Variants in CRAMP1 observed in about 807,000 individuals in gnomAD.
CRAMP1 encodes protein cramped-like.
CRAMP1 carries 50 observed loss-of-function variants against 115.4 expected under a neutral mutation model. The ratio of observed to expected loss-of-function variants is 0.43; its 90% CI spans 0.35 to 0.55. The LOEUF (loss-of-function observed/expected upper bound fraction) is 0.55. Ranked by LOEUF, CRAMP1 falls within the 20% of genes least tolerant of loss-of-function variation. CRAMP1 has a pLI of 0.01. For missense variants in CRAMP1, 1,679 were observed against 1,721.7 expected (o/e 0.98, Z 0.44); for synonymous variants, 866 against 745.4 (o/e 1.16, Z -2.64).
At chr16:1,661,184 T>C (rs574070242) in intron 11 of CRAMP1, among the ~76,000 whole-genome samples, 4 of 152,124 alleles carry the variant, frequency 2.6e-5, no homozygotes, top group African/African-American at 9.6e-5. Context: ...TAGTTGAATG[T>C]TGGGGCTCAT....
chr16:1,615,033 T>C lies in CRAMP1; in HGVS notation c.346+48T>C, dbSNP rs1038353991. On this transcript the variant is annotated intron_variant, in intron 2 of 20. Coordinates refer to ENST00000397412, the MANE Select transcript of CRAMP1 (RefSeq NM_020825.4). ...GAGACCCCAGCCCCTCTCCGGGGTG[T>C]GCCGCGGGGGAGAGGAACCCCTCGC... 6.2e-6 allele frequency: 7 copies of C among 1,128,624 alleles called. No homozygotes were observed. The African/African-American group carries it at 1.1e-4, about 18-fold the overall frequency. 69.9% of individuals were successfully genotyped at this position (1,128,624 alleles called of 1,614,324 possible). A position where few individuals can be genotyped will look rare whatever the true frequency, so the allele number is the denominator to read the frequency against.
At position 1,614,123 on chromosome 16, in the gene CRAMP1, G is replaced by A. The variant is rs1229149928; in HGVS notation, c.-1-516G>A. ...AGCCCCGCGCCTTTCGGGGGGCGGGGAGGGGGTGGGACGAGGGGCTAGGGC... is the reference window on the plus strand; with the variant it reads ...AGCCCCGCGCCTTTCGGGGGGCGGGAAGGGGGTGGGACGAGGGGCTAGGGC... On this transcript the variant is annotated intron_variant, in intron 1 of 20. Transcript: ENST00000397412. The surrounding 1 kb of genome is among the most constrained non-coding windows in gnomAD (Gnocchi z 4.4). 4.5e-4 allele frequency among the ~76,000 whole-genome samples: 66 copies of A among 147,686 alleles called. No individual in the cohort carries two copies. The highest frequency in any genetic ancestry group is 1.4e-3 in the African/African-American group (55 of 40,726).
intron 6 of CRAMP1, among the ~76,000 whole-genome samples, chr16:1,642,273 C>G (rs192547268): frequency 6.6e-6 from 1 of 152,224 alleles, no homozygotes; most frequent in Non-Finnish European, 1.5e-5. Context: ...TGTCTGATGA[C>G]CTGGGAACCC....
intron 8 of CRAMP1, among the ~76,000 whole-genome samples, chr16:1,654,352 C>T (rs1021149045): frequency 6.6e-5 from 10 of 151,830 alleles, no homozygotes; most frequent in Admixed American, 6.6e-4. Flanking sequence ...GCTGGGATTA[C>T]ATGCGCGTGC....
Position 1,626,005 on chromosome 16 carries a change from G to T in CRAMP1, c.379G>T (p.Val127Leu). 2 of 1,551,654 alleles carry T rather than the reference G, an allele frequency of 1.3e-6. No homozygotes were observed. The highest frequency in any genetic ancestry group is 1.7e-6 in the Non-Finnish European group (2 of 1,146,946). Residue 127 changes from valine (V) to leucine (L), a missense_variant, in exon 3 of 21, where the codon GTG becomes TTG. Transcript: ENST00000397412. The stretch of plus-strand genomic sequence containing the variant: ...AGGTGGTGGATCATCGTCTGGAAAT[G>T]TGTCTGGGGTTGCCCCTGCTGCCCC... ...AEGGGSSSGN[V>L]SGVAPAAPAG...
chr16:1,655,815 T>G, intron 9 of CRAMP1, 62 bp from the exon 10 acceptor site: 1 of 1,544,232 alleles, frequency 6.5e-7, no homozygotes, highest in Non-Finnish European at 8.8e-7. Context: ...TGTACCCATG[T>G]GCCTGGTCAG....
At chr16:1,624,830 C>T (rs748734719) in intron 2 of CRAMP1, among the ~76,000 whole-genome samples, 4 of 152,170 alleles carry the variant, frequency 2.6e-5, no homozygotes, top group Non-Finnish European at 5.9e-5. Flanking sequence ...GATCTGCCCA[C>T]CTCAGCCTCC....
chr16:1,631,000 A>G (rs1313655292), intron 3 of CRAMP1, among the ~76,000 whole-genome samples: 12 of 152,186 alleles, frequency 7.9e-5, no homozygotes, highest in Admixed American at 7.2e-4. Context: ...TGGCTGGGTC[A>G]TGGCTTGGCT....
rs552708853 is a variant in CRAMP1, at chr16:1,666,031, C to T, written c.2753-42C>T. 1.1e-5 allele frequency: 15 copies of T among 1,332,132 alleles called. No individual in the cohort carries two copies. The highest frequency in any genetic ancestry group is 2.5e-5 in the South Asian group (2 of 79,372). 82.5% of individuals were successfully genotyped at this position (1,332,132 alleles called of 1,614,324 possible). A position where few individuals can be genotyped will look rare whatever the true frequency, so the allele number is the denominator to read the frequency against. ...GCCACATCCTGCTGTGAGGGCATGG[C>T]GGGCGGGCTCGACATGTCTGCTTTT... On this transcript the variant is annotated intron_variant, in intron 14 of 20. Transcript: ENST00000397412. This position sits in a 1 kb window ranked among gnomAD's most constrained non-coding sequence, Gnocchi z 5.0.
intron 20 of CRAMP1, 38 bp downstream of exon 20, chr16:1,670,847 A>G (rs761546127): frequency 5.6e-6 from 9 of 1,605,712 alleles, no homozygotes; most frequent in Admixed American, 5.0e-5. Flanking sequence ...CTGACCACCA[A>G]CCCTCGTGCC....
intron 2 of CRAMP1, among the ~76,000 whole-genome samples, chr16:1,616,378 T>A (rs563537148): frequency 7.2e-5 from 11 of 152,310 alleles, no homozygotes; most frequent in African/African-American, 2.6e-4. Flanking sequence ...CCCTTCACCC[T>A]CTTGGAGATG....
At chr16:1,652,942 A>G in intron 7 of CRAMP1, 91 bp from the exon 8 acceptor site, 3 of 1,504,500 alleles carry the variant, frequency 2.0e-6, no homozygotes. Flanking sequence ...ATCTGCTCAC[A>G]GCTGATTTCA....
At chr16:1,634,726 C>T (rs899239153) in intron 4 of CRAMP1, among the ~76,000 whole-genome samples, 1 of 152,230 alleles carries the variant, frequency 6.6e-6, no homozygotes, top group African/African-American at 2.4e-5. Context: ...TGTCTGCCTC[C>T]GTGCCAGCGG....
intron 3 of CRAMP1, among the ~76,000 whole-genome samples, chr16:1,629,193 C>T (rs1003664960): frequency 6.6e-6 from 1 of 152,220 alleles, no homozygotes; most frequent in African/African-American, 2.4e-5. Context: ...CTTCCTTCTC[C>T]CTCTCTGCAT....
At position 1,653,112 on chromosome 16, in the gene CRAMP1, C is replaced by T. The variant is rs202111957; in HGVS notation, c.993C>T (p.His331=). 5.5e-5 allele frequency: 88 copies of T among 1,611,642 alleles called. 1 individual carries two copies. In the Middle Eastern group the frequency reaches 1.5e-3, roughly 27 times the overall value. The part of the protein sequence containing the change: ...VPIELQPRNN[H]AWARVQSLAQ... ...TAGAGCTACAGCCGCGGAACAACCA[C>T]GCCTGGGCCCGTGTGCAGAGCCTTG... The change falls in exon 8 of 21, where the codon CAC becomes CAT. Residue 331 remains histidine (H), a synonymous_variant. Coordinates refer to ENST00000397412, the MANE Select transcript of CRAMP1 (RefSeq NM_020825.4).
At chr16:1,642,541 C>T (rs534573887) in intron 6 of CRAMP1, among the ~76,000 whole-genome samples, 1 of 152,320 alleles carries the variant, frequency 6.6e-6, no homozygotes, top group Non-Finnish European at 1.5e-5. Context: ...CTTGCCCAGG[C>T]GCCCCTCCCA....
At chr16:1,633,814 G>A (rs2142179679) in intron 4 of CRAMP1, among the ~76,000 whole-genome samples, 1 of 152,276 alleles carries the variant, frequency 6.6e-6, no homozygotes, top group East Asian at 1.9e-4. Flanking sequence ...GCTCATGCCT[G>A]TAATCAGCAC....
At chr16:1,668,614 C>T (rs747952922) in intron 18 of CRAMP1, among the ~76,000 whole-genome samples, 7 of 152,194 alleles carry the variant, frequency 4.6e-5, no homozygotes, top group Non-Finnish European at 8.8e-5. Context: ...TGTTCACTGG[C>T]GCGACCCAGG....
intron 3 of CRAMP1, among the ~76,000 whole-genome samples, chr16:1,628,428 A>G (rs1191430088): frequency 1.3e-5 from 2 of 151,976 alleles, no homozygotes; most frequent in African/African-American, 2.4e-5. Context: ...TAATTTTTGT[A>G]TTTTTATTAC....
Sources: allele counts gnomAD v4.1 joint callset (sites outside exome capture counted in the v4.1 genomes callset), GRCh38; gene constraint gnomAD v4.1.1; non-coding constraint Gnocchi (gnomAD v3.1); transcripts MANE v1.5; gene names NCBI Gene and HGNC (gene_info 2026-07-23, HGNC 2026-07-21).